Variants in BCL2 observed in about 807,000 individuals in gnomAD.
The protein encoded by BCL2 is BCL2 apoptosis regulator.
BCL2 carries 1 observed loss-of-function variant against 14.2 expected under a neutral mutation model. That is an observed-to-expected ratio of 0.07 (90% CI 0.02 to 0.33). The LOEUF (loss-of-function observed/expected upper bound fraction) is 0.33, where lower values mean the gene tolerates loss of function less well. BCL2 is among the 10% of genes least tolerant of loss of function. BCL2 has a pLI of 0.99. For synonymous variants in BCL2, 151 were observed against 137.2 expected, an observed-to-expected ratio of 1.10 and a Z score of -0.70; for missense variants, 247 against 305.9, an observed-to-expected ratio of 0.81 and a Z score of 1.44.
chr18:63,237,878 A>T (rs931144600), intron 2 of BCL2, among the ~76,000 whole-genome samples: 13 of 152,332 alleles, frequency 8.5e-5, no homozygotes, highest in African/African-American at 2.4e-4. Flanking sequence ...AGTTTTTTTT[A>T]AAAGAACCCT....
At chr18:63,261,409 C>T (rs562960107) in intron 2 of BCL2, among the ~76,000 whole-genome samples, 37 of 152,132 alleles carry the variant, frequency 2.4e-4, no homozygotes, top group Non-Finnish European at 4.0e-4. Flanking sequence ...ATAGGGAGCA[C>T]GAACTAGATA....
intron 2 of BCL2, among the ~76,000 whole-genome samples, chr18:63,258,226 C>T (rs1214359441): frequency 6.6e-6 from 1 of 152,242 alleles, no homozygotes; most frequent in African/African-American, 2.4e-5. Context: ...ACCTTGATTA[C>T]AGACTTCCAG....
intron 2 of BCL2, among the ~76,000 whole-genome samples, chr18:63,280,097 T>C (rs972176080): frequency 2.0e-5 from 3 of 152,236 alleles, no homozygotes; most frequent in Admixed American, 1.3e-4. Context: ...TACATTTTGG[T>C]ATATTTATTA....
At chr18:63,130,407 G>A (rs1914033331) in intron 2 of BCL2, among the ~76,000 whole-genome samples, 1 of 152,196 alleles carries the variant, frequency 6.6e-6, no homozygotes, top group African/African-American at 2.4e-5. Flanking sequence ...TGGGACCAGG[G>A]ATTCTCTTTG....
At chr18:63,155,924 C>T (rs1041587604) in intron 2 of BCL2, among the ~76,000 whole-genome samples, 1 of 152,120 alleles carries the variant, frequency 6.6e-6, no homozygotes, top group African/African-American at 2.4e-5. Flanking sequence ...CCCTTCCCCG[C>T]CTCCCCAGCC....
Position 63,244,511 on chromosome 18 carries a change from A to T in BCL2, c.585+73571T>A, listed in dbSNP as rs189417036. Among the ~76,000 whole-genome samples the T allele has an allele frequency of 5.3e-3, 802 of 152,300 alleles. 28 individuals are homozygous for T. The highest frequency in any genetic ancestry group is 0.046 in the Admixed American group (700 of 15,292). On this transcript the variant is annotated intron_variant, in intron 2 of 2. Coordinates refer to ENST00000333681, the MANE Select transcript of BCL2 (RefSeq NM_000633.3). ...GAGGCGGAGGTTACAGTGAGCCAAG[A>T]TCGCACCGCTGCACTCCAGCCTGGG...
intron 2 of BCL2, among the ~76,000 whole-genome samples, chr18:63,134,617 C>T (rs1023116557): frequency 1.3e-5 from 2 of 152,186 alleles, no homozygotes; most frequent in Non-Finnish European, 2.9e-5. Context: ...AGTCTTTGAG[C>T]TGACTATGCA....
chr18:63,159,871 A>C (rs1419957894), intron 2 of BCL2, among the ~76,000 whole-genome samples: 4 of 152,264 alleles, frequency 2.6e-5, no homozygotes, highest in African/African-American at 4.8e-5. Context: ...ACGCGTACGC[A>C]TTTCTTAGTT....
chr18:63,126,667 C>A lies in BCL2; in HGVS notation c.*1958G>T, dbSNP rs1468017806. 1 of 227,408 alleles carries A rather than the reference C, an allele frequency of 4.4e-6. No individual in the cohort carries two copies. The highest frequency in any genetic ancestry group is 8.7e-6 in the Non-Finnish European group (1 of 114,460). 14.1% of individuals were successfully genotyped at this position (227,408 alleles called of 1,614,324 possible). On this transcript the variant is annotated 3_prime_UTR_variant, in exon 3 of 3. Transcript: ENST00000333681. The stretch of plus-strand genomic sequence containing the variant: ...CCAGGTTTTTCTTAGGTAGCTGAGA[C>A]TCAGGGCTTATCTCACCTTCTCAGA...
At chr18:63,317,570 G>C (rs1913536055) in intron 2 of BCL2, 8 of 988,814 alleles carry the variant, frequency 8.1e-6, no homozygotes, top group Middle Eastern at 5.2e-4. Flanking sequence ...GATTGATGAT[G>C]CCCTTGGTCT....
intron 2 of BCL2, among the ~76,000 whole-genome samples, chr18:63,175,402 A>G (rs1915329447): frequency 6.6e-6 from 1 of 152,240 alleles, no homozygotes; most frequent in African/African-American, 2.4e-5. Flanking sequence ...TCCAAAAGTC[A>G]TATTCAAAAC....
rs77938688 is a variant in BCL2 at position 63,124,643 on chromosome 18, T to A, written c.*3982A>T. On this transcript the variant is annotated 3_prime_UTR_variant, in exon 3 of 3. Transcript: ENST00000333681. ...AAATGTCCTTTGTCCCATAATAATTTAAAAAAAAAATCCCTGAAAGATCCA... is the reference window on the plus strand; with the variant it reads ...AAATGTCCTTTGTCCCATAATAATTAAAAAAAAAAATCCCTGAAAGATCCA... The A allele has an allele frequency of 4.7e-4, 100 of 213,354 alleles. No homozygotes were observed. In the Middle Eastern group the frequency reaches 8.9e-3, roughly 19 times the overall value. 13.2% of individuals were successfully genotyped at this position (213,354 alleles called of 1,614,324 possible).
In BCL2 at chr18:63,318,887, CTTTATTT is replaced by C; in HGVS notation, c.-228_-222del. On this transcript the variant is annotated 5_prime_UTR_variant, in exon 2 of 3. An upstream open reading frame in the 5' UTR loses its in-frame stop. Transcript: ENST00000333681. The surrounding 1 kb of genome is among the most constrained non-coding windows in gnomAD (Gnocchi z 7.4). The stretch of plus-strand genomic sequence containing the variant: ...ATTTTTATTCCAATTCCTTTCGGAT[CTTTATTT>C]CATGAGGCACGTTATTATTAGTAAG... 1 of 1,408,238 alleles carries C rather than the reference CTTTATTT, an allele frequency of 7.1e-7. No individual in the cohort carries two copies. The highest frequency in any genetic ancestry group is 9.3e-7 in the Non-Finnish European group (1 of 1,078,552). The allele number at this position is 1,408,238 out of a possible 1,614,324, so 87.2% of individuals were successfully genotyped here.
At chr18:63,227,647 A>G (rs1048082614) in intron 2 of BCL2, among the ~76,000 whole-genome samples, 4 of 152,260 alleles carry the variant, frequency 2.6e-5, no homozygotes, top group African/African-American at 9.6e-5. Flanking sequence ...AGAAAAAACA[A>G]GTAAAGAAGT....
intron 2 of BCL2, among the ~76,000 whole-genome samples, chr18:63,160,271 C>T (rs1406111652): frequency 6.6e-6 from 1 of 152,180 alleles, no homozygotes; most frequent in African/African-American, 2.4e-5. Context: ...CCTGCACAGA[C>T]AAGTCTGCGG....
chr18:63,124,947 AGAGTTT>A lies in BCL2; in HGVS notation c.*3672_*3677del, dbSNP rs370395757. The A allele has an allele frequency of 1.4e-3, 317 of 222,650 alleles. No homozygotes were observed. The highest frequency in any genetic ancestry group is 6.5e-3 in the African/African-American group (294 of 44,886). The allele number at this position is 222,650 out of a possible 1,614,324, so 13.8% of individuals were successfully genotyped here. ...CTTAAAAGTACAGTTGGAATTAATT[AGAGTTT>A]AAGTTCACATTTATAAACTATTTGT... is the stretch of plus-strand genomic sequence containing the variant. On this transcript the variant is annotated 3_prime_UTR_variant, in exon 3 of 3. Transcript: ENST00000333681.
chr18:63,138,412 G>A (rs1308696093), intron 2 of BCL2, among the ~76,000 whole-genome samples: 1 of 152,204 alleles, frequency 6.6e-6, no homozygotes, highest in East Asian at 1.9e-4. Flanking sequence ...GCTTGCTTCT[G>A]TCCCCTGTGA....
At chr18:63,197,039 G>A (rs762977211) in intron 2 of BCL2, among the ~76,000 whole-genome samples, 2 of 152,158 alleles carry the variant, frequency 1.3e-5, no homozygotes, top group Non-Finnish European at 2.9e-5. Context: ...TCTTCTTCAC[G>A]TTTTGATTTC....
At chr18:63,255,634 T>A (rs1254788478) in intron 2 of BCL2, among the ~76,000 whole-genome samples, 6 of 152,168 alleles carry the variant, frequency 3.9e-5, no homozygotes. Context: ...ACCTGCTGAC[T>A]AAACTTGGGC....
Sources: allele counts gnomAD v4.1 joint callset (sites outside exome capture counted in the v4.1 genomes callset), GRCh38; gene constraint gnomAD v4.1.1; non-coding constraint Gnocchi (gnomAD v3.1); transcripts MANE v1.5; gene names NCBI Gene and HGNC (gene_info 2026-07-23, HGNC 2026-07-21).